The following TMEM178A variants were observed in gnomAD, a reference collection of about 807,000 sequenced individuals.
TMEM178A encodes the protein transmembrane protein 178A.
In TMEM178A, 12 loss-of-function variants were observed where a neutral mutation model predicts 29.1. That is an observed-to-expected ratio of 0.41 (90% confidence interval 0.26 to 0.67). The LOEUF (loss-of-function observed/expected upper bound fraction) is 0.67. Among genes scored for constraint, TMEM178A ranks in the 30% least tolerant of loss-of-function variants. TMEM178A has a pLI of 0.29. For missense variants in TMEM178A, 366 were observed against 419.1 expected, an observed-to-expected ratio of 0.87 and a Z score of 1.11; for synonymous variants, 210 against 187.2, an observed-to-expected ratio of 1.12 and a Z score of -0.99.
intron 3 of TMEM178A, among the ~76,000 whole-genome samples, chr2:39,713,789 G>T (rs1438136487): frequency 6.6e-6 from 1 of 152,188 alleles, no homozygotes; most frequent in Non-Finnish European, 1.5e-5. Flanking sequence ...ACCTGAAATA[G>T]AATTCCACAC....
intron 1 of TMEM178A, among the ~76,000 whole-genome samples, chr2:39,680,374 T>C (rs1670816110): frequency 6.6e-6 from 1 of 152,244 alleles, no homozygotes; most frequent in Non-Finnish European, 1.5e-5. Flanking sequence ...AATTGTTCAC[T>C]CACAGAGCTT....
intron 1 of TMEM178A, among the ~76,000 whole-genome samples, chr2:39,699,265 G>C (rs987173198): frequency 1.9e-4 from 29 of 151,904 alleles, no homozygotes; most frequent in Admixed American, 1.2e-3. Context: ...GGCCTCAAGT[G>C]ATCCGTCTAC....
At chr2:39,725,875 C>G in the TMEM178A span, among the ~76,000 whole-genome samples, 1 of 152,180 alleles carries the variant, frequency 6.6e-6, no homozygotes, top group African/African-American at 2.4e-5. Flanking sequence ...ATAGGGACAT[C>G]TCAATACTGT....
chr2:39,666,217 C>T lies in TMEM178A; in HGVS notation c.243C>T (p.Gly81=), dbSNP rs1283268261. 1.5e-6 allele frequency: 2 copies of T among 1,352,102 alleles called. No homozygotes were observed. The highest frequency in any genetic ancestry group is 1.9e-5 in the South Asian group (1 of 52,862). The allele number at this position is 1,352,102 out of a possible 1,614,324, so 83.8% of individuals were successfully genotyped here. A position where few individuals can be genotyped will look rare whatever the true frequency, so the allele number is the denominator to read the frequency against. The change falls in exon 1 of 4, where the codon GGC becomes GGT. Residue 81 remains glycine, a synonymous_variant. Transcript: ENST00000281961. ...PPLGRRLLPG[G]PGRADPESWR... ...TGGGGCGCCGGCTGCTCCCGGGCGG[C>T]CCGGGGCGCGCCGACCCCGAGTCCT...
intron 1 of TMEM178A, among the ~76,000 whole-genome samples, chr2:39,668,480 T>G: frequency 6.6e-6 from 1 of 152,226 alleles, no homozygotes; most frequent in Non-Finnish European, 1.5e-5. Flanking sequence ...AATTGCAGTG[T>G]GTTCTCCAAG....
chr2:39,715,741 G>T (rs991402625), intron 3 of TMEM178A, among the ~76,000 whole-genome samples: 2 of 152,168 alleles, frequency 1.3e-5, no homozygotes, highest in African/African-American at 2.4e-5. Context: ...CAGGCAACGT[G>T]CTCTTACATG....
At chr2:39,716,570 ATGT>A (rs774899644) in intron 3 of TMEM178A, among the ~76,000 whole-genome samples, 12 of 152,240 alleles carry the variant, frequency 7.9e-5, no homozygotes, top group South Asian at 6.2e-4. Context: ...AAGAAAGCAG[ATGT>A]TGTATAACGA....
intron 3 of TMEM178A, among the ~76,000 whole-genome samples, chr2:39,709,464 A>G (rs932542736): frequency 1.3e-5 from 2 of 152,194 alleles, no homozygotes; most frequent in African/African-American, 2.4e-5. Flanking sequence ...CTAAAATGTT[A>G]GTTTCTGAGG....
intron 2 of TMEM178A, 111 bp from the exon 3 acceptor site, chr2:39,706,938 C>A: frequency 1.5e-6 from 2 of 1,298,870 alleles, no homozygotes; most frequent in Non-Finnish European, 2.1e-6. Flanking sequence ...GGCTCTAAGC[C>A]TGTCCATGTA....
rs182925150 is a variant in TMEM178A at position 39,694,830 on chromosome 2, A to G, written c.401-9251A>G. On this transcript the variant is annotated intron_variant, in intron 1 of 3. Coordinates refer to ENST00000281961, the MANE Select transcript of TMEM178A (RefSeq NM_152390.3). The stretch of plus-strand genomic sequence containing the variant: ...ATTTAAAATTCTTACAATTTGCATT[A>G]TATTTCTACCGGACAGAGCTGCTTA... Among the ~76,000 whole-genome samples, 56 of 152,314 alleles carry G rather than the reference A, an allele frequency of 3.7e-4. 1 individual carries two copies. The highest frequency in any genetic ancestry group is 3.1e-3 in the Admixed American group (48 of 15,296).
intron 1 of TMEM178A, among the ~76,000 whole-genome samples, chr2:39,672,490 G>A (rs947875376): frequency 1.3e-5 from 2 of 152,102 alleles, no homozygotes; most frequent in African/African-American, 2.4e-5. Flanking sequence ...AACCCCATCA[G>A]GCAGACTGCT....
At chr2:39,691,156 G>A (rs886893967) in intron 1 of TMEM178A, among the ~76,000 whole-genome samples, 1 of 152,166 alleles carries the variant, frequency 6.6e-6, no homozygotes, top group Non-Finnish European at 1.5e-5. Context: ...CATATTTAAA[G>A]AAATAGTGGC....
the TMEM178A span, among the ~76,000 whole-genome samples, chr2:39,735,712 T>G: frequency 6.6e-6 from 1 of 152,144 alleles, no homozygotes; most frequent in Non-Finnish European, 1.5e-5. Flanking sequence ...TATTCAAGAT[T>G]AGTAGGTGGC....
chr2:39,730,890 CA>C, the TMEM178A span, among the ~76,000 whole-genome samples: 6 of 152,320 alleles, frequency 3.9e-5, no homozygotes, highest in African/African-American at 7.2e-5. Context: ...GGAGAAATAG[CA>C]CCATCTATTG....
chr2:39,681,645 C>G (rs915250303), intron 1 of TMEM178A, among the ~76,000 whole-genome samples: 58 of 152,166 alleles, frequency 3.8e-4, no homozygotes, highest in Admixed American at 3.7e-3. Flanking sequence ...ATTCTACTAG[C>G]AGTCACACTA....
In TMEM178A at chr2:39,717,015, T is replaced by C. The variant is rs754335043; in HGVS notation, c.658T>C (p.Phe220Leu). 4 of 1,610,848 alleles carry C rather than the reference T, an allele frequency of 2.5e-6. No individual in the cohort carries two copies. In the African/African-American group the frequency reaches 5.4e-5, roughly 22 times the overall value. Residue 220 changes from phenylalanine to leucine, a missense_variant, in exon 4 of 4, where the codon TTT becomes CTT. Physicochemically the swap from Phe to Leu is conservative, Grantham distance 22 (BLOSUM62 0). This residue lies in a region of TMEM178A where 119 missense variants were observed against 172.2 expected (regional missense o/e 0.69). Coordinates refer to ENST00000281961, the MANE Select transcript of TMEM178A (RefSeq NM_152390.3). ...TCTCTTTGTATTATTTATAGGGATA[T>C]TTTGCACCATTTCCCTCTGTACTTA... is the stretch of plus-strand genomic sequence containing the variant. ...AGLLFLMTGI[F>L]CTISLCTYAA...
At chr2:39,674,998 G>A (rs1032529050) in intron 1 of TMEM178A, among the ~76,000 whole-genome samples, 2 of 152,206 alleles carry the variant, frequency 1.3e-5, no homozygotes, top group African/African-American at 2.4e-5. Flanking sequence ...TCGGGCTACA[G>A]ACTCCTGTCA....
chr2:39,667,255 G>A (rs1572639554), intron 1 of TMEM178A, among the ~76,000 whole-genome samples: 1 of 151,482 alleles, frequency 6.6e-6, no homozygotes, highest in East Asian at 1.9e-4. Flanking sequence ...GTTTTGTTTG[G>A]CACTGAGTTG....
chr2:39,727,886 A>G, the TMEM178A span, among the ~76,000 whole-genome samples: 2 of 152,214 alleles, frequency 1.3e-5, no homozygotes, highest in African/African-American at 4.8e-5. Context: ...TGCAAAGGAC[A>G]TGAACTCATC....
Sources: gnomAD v4.1 joint callset for allele counts (sites outside exome capture counted in the v4.1 genomes callset) on GRCh38, gnomAD v4.1.1 for gene constraint, gnomAD v4.1.1 regional missense constraint, MANE v1.5 for transcripts, NCBI Gene and HGNC (gene_info 2026-07-23, HGNC 2026-07-21) for gene names.